CSMD1: variants seen among roughly 807,000 people sequenced by gnomAD.
CSMD1 encodes CUB and Sushi multiple domains 1, also known as CUB and sushi domain-containing protein 1.
In CSMD1, 213 loss-of-function variants were observed where a neutral mutation model predicts 417.5. The observed-to-expected ratio is 0.51, with a 90% CI of 0.46 to 0.57. CSMD1 has a LOEUF of 0.57. CSMD1 is among the 20% of genes least tolerant of loss of function. The pLI is 0.00. For synonymous variants in CSMD1, 2,862 were observed against 1,736.8 expected, an observed-to-expected ratio of 1.65 and a Z score of -16.11; for missense variants, 6,923 against 4,529.7, an observed-to-expected ratio of 1.53 and a Z score of -15.17.
chr8:4,542,777 C>A (rs1433692011), intron 2 of CSMD1, among the ~76,000 whole-genome samples: 1 of 151,832 alleles, frequency 6.6e-6, no homozygotes, highest in African/African-American at 2.4e-5. Flanking sequence ...ATATGGTAGC[C>A]ATACATATTT....
intron 23 of CSMD1, among the ~76,000 whole-genome samples, chr8:3,337,565 A>T (rs1470050352): frequency 1.3e-5 from 2 of 152,206 alleles, no homozygotes; most frequent in Non-Finnish European, 2.9e-5. Context: ...CCACTCTTTC[A>T]TCAATGCTAT....
intron 1 of CSMD1, among the ~76,000 whole-genome samples, chr8:4,728,510 C>G (rs143856185): frequency 6.6e-6 from 1 of 152,146 alleles, no homozygotes; most frequent in East Asian, 1.9e-4. Flanking sequence ...CGACTATTTA[C>G]TAGGTGAAAT....
At chr8:3,601,760 G>A (rs1480633092) in intron 8 of CSMD1, among the ~76,000 whole-genome samples, 1 of 152,186 alleles carries the variant, frequency 6.6e-6, no homozygotes, top group East Asian at 1.9e-4. Context: ...TTGATTTGGG[G>A]ACCATTCTCC....
rs141558107 is a variant in CSMD1 at position 4,214,394 on chromosome 8, T to G, written c.416-182295A>C. Among the ~76,000 whole-genome samples, 245 of 152,286 alleles carry G rather than the reference T, an allele frequency of 1.6e-3. 4 individuals are homozygous for G. In the East Asian group the frequency reaches 0.039, roughly 24 times the overall value. On this transcript the variant is annotated intron_variant, in intron 3 of 69. Coordinates refer to ENST00000635120, the MANE Select transcript of CSMD1 (RefSeq NM_033225.6). ...CTCACTGCAACCTCTGCCTCCTGGA[T>G]TCAATCGATTCAAATGCCTCAGGCT... is the stretch of plus-strand genomic sequence containing the variant.
At chr8:4,599,622 T>C (rs1800478747) in intron 2 of CSMD1, among the ~76,000 whole-genome samples, 1 of 152,120 alleles carries the variant, frequency 6.6e-6, no homozygotes, top group Admixed American at 6.6e-5. Flanking sequence ...CTTCTGTCCA[T>C]CTCATTTAAT....
chr8:4,095,612 C>A (rs940957497), intron 3 of CSMD1, among the ~76,000 whole-genome samples: 1 of 152,130 alleles, frequency 6.6e-6, no homozygotes, highest in Non-Finnish European at 1.5e-5. Flanking sequence ...TAATGTGCAC[C>A]TGCAGAGCTG....
chr8:3,762,363 C>T (rs970708798), intron 5 of CSMD1, among the ~76,000 whole-genome samples: 2 of 152,184 alleles, frequency 1.3e-5, no homozygotes, highest in Admixed American at 6.5e-5. Flanking sequence ...CTCAGGGAAG[C>T]CTGCCCTGAT....
intron 26 of CSMD1, among the ~76,000 whole-genome samples, 168 bp downstream of exon 26, chr8:3,283,976 A>G (rs978931625): frequency 3.3e-5 from 5 of 152,242 alleles, no homozygotes; most frequent in Non-Finnish European, 5.9e-5. Context: ...GAACCCAGCA[A>G]TGGGGGAAGA....
At chr8:3,936,501 C>T (rs1044730435) in intron 5 of CSMD1, among the ~76,000 whole-genome samples, 5 of 152,102 alleles carry the variant, frequency 3.3e-5, no homozygotes, top group Admixed American at 6.6e-5. Flanking sequence ...TACAAAAATC[C>T]CAGGATCCTT....
In CSMD1 at chr8:4,750,301, C is replaced by T. The variant is rs536551111; in HGVS notation, c.86-112743G>A. Among the ~76,000 whole-genome samples the T allele has an allele frequency of 1.1e-4, 17 of 152,292 alleles. No individual in the cohort carries two copies. In the South Asian group the frequency reaches 1.9e-3, roughly 17 times the overall value. On this transcript the variant is annotated intron_variant, in intron 1 of 69. Transcript: ENST00000635120. Reference sequence around the variant, plus strand: ...GGATTACAGGGTGAACCACCATGCCCGGCCCTGACTTTTACTTTTACTCAC... The same window carrying T: ...GGATTACAGGGTGAACCACCATGCCTGGCCCTGACTTTTACTTTTACTCAC...
At chr8:3,244,641 G>A (rs1208150735) in intron 26 of CSMD1, among the ~76,000 whole-genome samples, 1 of 152,136 alleles carries the variant, frequency 6.6e-6, no homozygotes, top group African/African-American at 2.4e-5. Context: ...AACATTTTGG[G>A]GGCAGCTTTG....
At chr8:4,165,105 A>T (rs1030937688) in intron 3 of CSMD1, among the ~76,000 whole-genome samples, 7 of 152,206 alleles carry the variant, frequency 4.6e-5, no homozygotes, top group East Asian at 1.9e-4. Flanking sequence ...AGAAACTAAG[A>T]ATTCATGTGC....
intron 3 of CSMD1, among the ~76,000 whole-genome samples, chr8:4,152,757 T>C (rs954225780): frequency 7.0e-6 from 1 of 143,874 alleles, no homozygotes; most frequent in Non-Finnish European, 1.5e-5. Context: ...TAGTAATATA[T>C]ACATATAATC....
At chr8:3,575,174 A>C (rs1207401671) in intron 9 of CSMD1, 108 bp from the exon 10 acceptor site, 2 of 703,208 alleles carry the variant, frequency 2.8e-6, no homozygotes, top group Middle Eastern at 5.5e-4. Context: ...TCACAGTAAA[A>C]AAAAAAAAAA....
intron 2 of CSMD1, among the ~76,000 whole-genome samples, chr8:4,458,430 G>A (rs926402977): frequency 3.9e-5 from 6 of 152,014 alleles, no homozygotes; most frequent in Non-Finnish European, 7.4e-5. Context: ...TTTATCAGTT[G>A]GTTTCTAAAA....
At chr8:3,962,994 T>A (rs988552200) in intron 5 of CSMD1, among the ~76,000 whole-genome samples, 1 of 152,172 alleles carries the variant, frequency 6.6e-6, no homozygotes, top group Non-Finnish European at 1.5e-5. Flanking sequence ...TGGAGTGCGG[T>A]GGAGCAATCT....
chr8:3,672,992 G>A (rs1055666174), intron 7 of CSMD1, among the ~76,000 whole-genome samples: 4 of 152,108 alleles, frequency 2.6e-5, no homozygotes, highest in African/African-American at 9.7e-5. Context: ...TACTTGTGTT[G>A]TAACACATAC....
chr8:3,959,673 T>C (rs1812192956), intron 5 of CSMD1, among the ~76,000 whole-genome samples: 2 of 152,220 alleles, frequency 1.3e-5, no homozygotes, highest in South Asian at 2.1e-4. Context: ...ACTTATGTCC[T>C]AGTACAGCAG....
chr8:3,872,825 C>G (rs530129593), intron 5 of CSMD1, among the ~76,000 whole-genome samples: 129 of 131,470 alleles, frequency 9.8e-4, no homozygotes, highest in African/African-American at 3.6e-3. Context: ...AACAAATTTA[C>G]AATAAGACAG....
Sources: allele counts gnomAD v4.1 joint callset (sites outside exome capture counted in the v4.1 genomes callset), GRCh38; gene constraint gnomAD v4.1.1; transcripts MANE v1.5; gene names NCBI Gene and HGNC (gene_info 2026-07-23, HGNC 2026-07-21).